CEP192: variants seen among roughly 807,000 people sequenced by gnomAD.
CEP192 encodes the protein centrosomal protein 192, also known as centrosomal protein of 192 kDa.
In CEP192, 151 loss-of-function variants were observed where a neutral mutation model predicts 271.8. The observed-to-expected ratio is 0.56, with a 90% CI of 0.49 to 0.64. CEP192 has a LOEUF of 0.64. CEP192 is among the 30% of genes least tolerant of loss of function. CEP192 has a pLI of 0.00. For missense variants in CEP192, 2,910 were observed against 3,020.5 expected, an observed-to-expected ratio of 0.96 and a Z score of 0.86; for synonymous variants, 995 against 1,076.5, an observed-to-expected ratio of 0.92 and a Z score of 1.48.
intron 40 of CEP192, among the ~76,000 whole-genome samples, chr18:13,109,773 AAATAAT>A (rs922946984): frequency 1.3e-5 from 2 of 152,162 alleles, no homozygotes; most frequent in Admixed American, 1.3e-4. Flanking sequence ...TTTTTGGAAA[AAATAAT>A]AATAATAGAC....
chr18:13,055,722 C>A, intron 18 of CEP192, 58 bp from the exon 19 acceptor site: 1 of 1,200,090 alleles, frequency 8.3e-7, no homozygotes, highest in Non-Finnish European at 1.2e-6. Flanking sequence ...CAGCATGTTT[C>A]AATTTGTTAT....
chr18:13,024,475 ATTTT>A (rs1193058255), intron 9 of CEP192: 9 of 355,178 alleles, frequency 2.5e-5, no homozygotes, highest in Non-Finnish European at 4.9e-5. Context: ...TTATTTATTT[ATTTT>A]TTGAGGTGGA....
intron 32 of CEP192, among the ~76,000 whole-genome samples, chr18:13,089,088 A>G (rs1324555228): frequency 6.6e-6 from 1 of 152,194 alleles, no homozygotes; most frequent in Non-Finnish European, 1.5e-5. Flanking sequence ...ACATAGTTAT[A>G]TGGTAATTTA....
At chr18:13,066,967 G>GTGTGTGTGTGTGTA (rs942765956) in intron 21 of CEP192, among the ~76,000 whole-genome samples, 8 of 143,042 alleles carry the variant, frequency 5.6e-5, no homozygotes, top group African/African-American at 1.5e-4. Flanking sequence ...GCACGTCTGT[G>GTGTGTGTGTGTGTA]TGTGTGTGTG....
intron 44 of CEP192, among the ~76,000 whole-genome samples, chr18:13,124,154 C>G (rs1220655614): frequency 6.6e-6 from 1 of 151,046 alleles, no homozygotes; most frequent in Admixed American, 6.6e-5. Context: ...GAGTGAAACT[C>G]CGTCTCAAAA....
intron 9 of CEP192, among the ~76,000 whole-genome samples, chr18:13,019,630 A>G (rs1341415194): frequency 6.6e-6 from 1 of 152,106 alleles, no homozygotes; most frequent in Non-Finnish European, 1.5e-5. Context: ...GTGTTATTAT[A>G]GTTTTATAAA....
intron 27 of CEP192, 22 bp from the exon 28 acceptor site, chr18:13,071,017 C>G (rs750736118): frequency 8.1e-6 from 13 of 1,603,362 alleles, no homozygotes; most frequent in Non-Finnish European, 1.1e-5. Flanking sequence ...GGACCTTCAA[C>G]TTAGAATTCT....
At position 13,030,583 on chromosome 18, in the gene CEP192, G is replaced by C. The variant is rs2035561899; in HGVS notation, c.1509G>C (p.Glu503Asp). Residue 503 changes from glutamate (E) to aspartate (D), a missense_variant, in exon 11 of 45, where the codon GAG becomes GAC. Glu to Asp is a conservative substitution (Grantham distance 45). Coordinates refer to ENST00000506447, the MANE Select transcript of CEP192 (RefSeq NM_032142.4). ...ATTTAAATGTGTCTCTAAGTGATGA[G>C]ATGAATGAAGACTTCAGATCTGGTT... Reference protein sequence around the residue: ...KQNLNVSLSDEMNEDFRSGSE... With the variant: ...KQNLNVSLSDDMNEDFRSGSE... The C allele has an allele frequency of 1.2e-6, 2 of 1,610,142 alleles. No individual in the cohort carries two copies. The highest frequency in any genetic ancestry group is 8.5e-7 in the Non-Finnish European group (1 of 1,177,040).
chr18:13,114,505 T>C (rs970624931), intron 42 of CEP192, among the ~76,000 whole-genome samples: 3 of 152,230 alleles, frequency 2.0e-5, no homozygotes, highest in Admixed American at 2.0e-4. Context: ...ATATATTCTT[T>C]GTGTCTGGCT....
intron 30 of CEP192, among the ~76,000 whole-genome samples, chr18:13,083,519 T>C (rs1452183303): frequency 6.6e-6 from 1 of 152,214 alleles, no homozygotes; most frequent in Non-Finnish European, 1.5e-5. Flanking sequence ...ATTCGTCTAA[T>C]CTTTTTTCAA....
At chr18:13,114,321 C>T in intron 42 of CEP192, 70 bp downstream of exon 42, 1 of 1,514,182 alleles carries the variant, frequency 6.6e-7, no homozygotes, top group Non-Finnish European at 9.0e-7. Context: ...CAGTAAAATG[C>T]TCGATGACTT....
At chr18:13,001,624 G>A (rs1487811139) in intron 3 of CEP192, 42 bp downstream of exon 3, 2 of 1,489,652 alleles carry the variant, frequency 1.3e-6, no homozygotes, top group Non-Finnish European at 1.8e-6. Flanking sequence ...GTTAAAAGTG[G>A]GTCTTACGCA....
chr18:13,006,478 G>A (rs1231605486), intron 3 of CEP192, among the ~76,000 whole-genome samples: 1 of 152,098 alleles, frequency 6.6e-6, no homozygotes, highest in East Asian at 1.9e-4. Flanking sequence ...CAGGGGTCCC[G>A]GAACCAGTCC....
chr18:13,017,207 A>G lies in CEP192; in HGVS notation c.660A>G (p.Glu220=). 1 of 1,546,506 alleles carries G rather than the reference A, an allele frequency of 6.5e-7. No homozygotes were observed. The highest frequency in any genetic ancestry group is 1.2e-5 in the South Asian group (1 of 83,058). ...CAATAGATGATGATATTGATGATGA[A>G]ATGTTTTATGATGATCATTTGGAGG... is the stretch of plus-strand genomic sequence containing the variant. The part of the protein sequence containing the change: ...EDSSDDDIDD[E]MFYDDHLEAY... Residue 220 remains glutamate, a synonymous_variant, in exon 7 of 45, where the codon GAA becomes GAG. Transcript: ENST00000506447.
chr18:13,043,051 A>G (rs1012052410), intron 15 of CEP192, among the ~76,000 whole-genome samples: 4 of 152,158 alleles, frequency 2.6e-5, no homozygotes, highest in Non-Finnish European at 2.9e-5. Context: ...CTGTCACCGC[A>G]TGTCCTCGCC....
At chr18:13,084,006 G>A (rs2038762592) in intron 30 of CEP192, among the ~76,000 whole-genome samples, 1 of 152,094 alleles carries the variant, frequency 6.6e-6, no homozygotes, top group African/African-American at 2.4e-5. Flanking sequence ...CGTCCCAGAG[G>A]GGCACCAGCC....
rs182971089 is a variant in CEP192 at position 13,084,620 on chromosome 18, G to A, written c.5617-2397G>A. ...CCCGCCCTGCTTCAGCTCACCCTCCGTGGGCTGCACCCACTGTCCAACCAG... is the reference window on the plus strand; with the variant it reads ...CCCGCCCTGCTTCAGCTCACCCTCCATGGGCTGCACCCACTGTCCAACCAG... On this transcript the variant is annotated intron_variant, in intron 30 of 44. Transcript: ENST00000506447. 6.0e-3 allele frequency among the ~76,000 whole-genome samples: 912 copies of A among 152,178 alleles called. 9 individuals carry two copies. The highest frequency in any genetic ancestry group is 0.021 in the African/African-American group (872 of 41,508).
At chr18:13,110,902 A>G (rs2040179463) in intron 40 of CEP192, among the ~76,000 whole-genome samples, 1 of 152,162 alleles carries the variant, frequency 6.6e-6, no homozygotes, top group African/African-American at 2.4e-5. Context: ...AAGCCAAGAG[A>G]CTCAGCAAGC....
rs1472634411 is a variant in CEP192, at chr18:13,038,410, G to A, written c.1640G>A (p.Gly547Asp). 10 of 1,551,624 alleles carry A rather than the reference G, an allele frequency of 6.4e-6. No individual in the cohort carries two copies. Among genetic ancestry groups the A allele is most frequent in the Non-Finnish European group, 8.7e-6 (10 of 1,146,954 alleles). Residue 547 changes from glycine to aspartate, a missense_variant, in exon 13 of 45, where the codon GGC (glycine) becomes GAC (aspartate). Physicochemically the swap from Gly to Asp is moderately conservative, Grantham distance 94. Transcript: ENST00000506447. Reference protein sequence around the residue: ...IDAHNTSVALGDTSWGATINY... With the variant: ...IDAHNTSVALDDTSWGATINY... ...GCTCATAATACTTCGGTTGCACTGG[G>A]CGATACGTCCTGGGGAGCTACAATT...
Sources: allele counts gnomAD v4.1 joint callset (sites outside exome capture counted in the v4.1 genomes callset), GRCh38; gene constraint gnomAD v4.1.1; transcripts MANE v1.5; gene names NCBI Gene and HGNC (gene_info 2026-07-23, HGNC 2026-07-21).